EPHA4: variants seen among roughly 807,000 people sequenced by gnomAD.
The protein encoded by EPHA4 is EPH receptor A4.
In EPHA4, 19 loss-of-function variants were observed where a neutral mutation model predicts 108.3. The observed-to-expected ratio is 0.18, with a 90% CI of 0.12 to 0.26. The LOEUF (loss-of-function observed/expected upper bound fraction) is 0.26. Ranked by LOEUF, EPHA4 falls within the 10% of genes least tolerant of loss-of-function variation. The pLI is 1.00. For missense variants in EPHA4, 917 were observed against 1,254.0 expected (o/e 0.73, Z 4.06); for synonymous variants, 449 against 455.5 (o/e 0.99, Z 0.18).
Position 221,502,367 on chromosome 2 carries a change from A to G in EPHA4, c.824-1195T>C, listed in dbSNP as rs143132533. Among the ~76,000 whole-genome samples the G allele has an allele frequency of 1.5e-3, 225 of 152,232 alleles. 4 individuals are homozygous for G. The highest frequency in any genetic ancestry group is 0.01 in the East Asian group (54 of 5,170). ...AAAGAAAATGTGCCAGTAACCCACAATCTTTCCAGCATGATTCACTCTCGT... is the reference window on the plus strand; with the variant it reads ...AAAGAAAATGTGCCAGTAACCCACAGTCTTTCCAGCATGATTCACTCTCGT... On this transcript the variant is annotated intron_variant, in intron 3 of 17. Transcript: ENST00000281821.
At chr2:221,512,674 A>G (rs781613241) in intron 3 of EPHA4, among the ~76,000 whole-genome samples, 1 of 152,228 alleles carries the variant, frequency 6.6e-6, no homozygotes, top group Non-Finnish European at 1.5e-5. Flanking sequence ...TCTGAATTTA[A>G]TACACGGGTC....
At chr2:221,547,181 TG>T (rs1161305909) in intron 3 of EPHA4, among the ~76,000 whole-genome samples, 1 of 152,234 alleles carries the variant, frequency 6.6e-6, no homozygotes, top group African/African-American at 2.4e-5. Flanking sequence ...CCAAATAGGT[TG>T]GTTCATTGCC....
intron 14 of EPHA4, 52 bp from the exon 15 acceptor site, chr2:221,430,203 A>C: frequency 6.5e-7 from 1 of 1,531,422 alleles, no homozygotes; most frequent in Non-Finnish European, 8.8e-7. Flanking sequence ...GCTGCTGTTC[A>C]AGGTTCACCC....
At chr2:221,468,452 T>C (rs1403605856) in intron 5 of EPHA4, among the ~76,000 whole-genome samples, 1 of 152,190 alleles carries the variant, frequency 6.6e-6, no homozygotes, top group East Asian at 1.9e-4. Flanking sequence ...ATTCCAAATC[T>C]GGAAAATAAA....
intron 4 of EPHA4, among the ~76,000 whole-genome samples, chr2:221,500,758 T>C (rs1463203239): frequency 6.6e-6 from 1 of 152,128 alleles, no homozygotes; most frequent in African/African-American, 2.4e-5. Flanking sequence ...CTAATTACAC[T>C]GTCAGACAAC....
chr2:221,532,297 A>G (rs1469198997), intron 3 of EPHA4, among the ~76,000 whole-genome samples: 1 of 151,872 alleles, frequency 6.6e-6, no homozygotes, highest in Non-Finnish European at 1.5e-5. Context: ...TAATTTTTGT[A>G]TTTTTAGTAG....
At chr2:221,497,979 T>G (rs1047775468) in intron 4 of EPHA4, among the ~76,000 whole-genome samples, 1 of 152,192 alleles carries the variant, frequency 6.6e-6, no homozygotes, top group African/African-American at 2.4e-5. Flanking sequence ...TCTTCCCCTT[T>G]GCATCCTTAA....
chr2:221,442,907 C>A lies in EPHA4; in HGVS notation c.1996G>T (p.Asp666Tyr). The A allele has an allele frequency of 6.2e-7, 1 of 1,614,180 alleles. No homozygotes were observed. The highest frequency in any genetic ancestry group is 8.5e-7 in the Non-Finnish European group (1 of 1,180,034). ...ATGATGCTGGCCTCACTCAGGAAGT[C>A]TCTCCTCTGTTTGTCTGTATAACCA... ...KAGYTDKQRR[D>Y]FLSEASIMGQ... The change falls in exon 11 of 18, where the codon GAC becomes TAC. Residue 666 changes from aspartate to tyrosine, a missense_variant. Around this residue, in one of 3 missense-constraint regions of EPHA4, gnomAD observed 758 missense variants for 1,076.7 expected, o/e 0.70. Transcript: ENST00000281821.
At chr2:221,488,973 T>A (rs1413678573) in intron 4 of EPHA4, among the ~76,000 whole-genome samples, 1 of 152,234 alleles carries the variant, frequency 6.6e-6, no homozygotes, top group Admixed American at 6.5e-5. Flanking sequence ...TGTCAAGATT[T>A]AAAGTAGCCC....
In EPHA4 at chr2:221,561,128, G is replaced by T. The variant is rs181412299; in HGVS notation, c.823+2603C>A. Among the ~76,000 whole-genome samples the T allele has an allele frequency of 6.9e-3, 1,052 of 152,200 alleles. 9 individuals carry two copies. Among genetic ancestry groups the T allele is most frequent in the Non-Finnish European group, 0.011 (772 of 68,018 alleles). On this transcript the variant is annotated intron_variant, in intron 3 of 17. Transcript: ENST00000281821. ...GTGGTGGCGGGCGCCTGTAGTCCCA[G>T]CTACTTGGGAGGCTGAGGCAGGAGA...
At chr2:221,480,636 G>A (rs1691791396) in intron 5 of EPHA4, among the ~76,000 whole-genome samples, 1 of 152,072 alleles carries the variant, frequency 6.6e-6, no homozygotes. Flanking sequence ...TAATGACTGC[G>A]AACAGTGTTC....
chr2:221,439,467 G>C (rs1325356409), intron 11 of EPHA4, among the ~76,000 whole-genome samples: 2 of 151,594 alleles, frequency 1.3e-5, no homozygotes, highest in South Asian at 4.2e-4. Context: ...CTGCACTCAA[G>C]CCTGGGTGAA....
rs891715277 is a variant in EPHA4, at chr2:221,539,988, C to T, written c.823+23743G>A. Among the ~76,000 whole-genome samples the T allele has an allele frequency of 2.0e-5, 3 of 152,138 alleles. No homozygotes were observed. The East Asian group carries it at 5.8e-4, about 29-fold the overall frequency. ...GCTGGAGTGCAATATACCACGATCT[C>T]CACTCACTGCAACCTTTGCCTCCTG... On this transcript the variant is annotated intron_variant, in intron 3 of 17. Transcript: ENST00000281821.
At chr2:221,563,451 A>G (rs1694525815) in intron 3 of EPHA4, among the ~76,000 whole-genome samples, 1 of 152,166 alleles carries the variant, frequency 6.6e-6, no homozygotes. Context: ...CAGCTTGTTC[A>G]TTTACATTTC....
intron 14 of EPHA4, among the ~76,000 whole-genome samples, chr2:221,431,621 T>C (rs998935872): frequency 2.6e-5 from 4 of 152,234 alleles, no homozygotes; most frequent in African/African-American, 7.2e-5. Context: ...TCACCTGGGT[T>C]TCTTTTATCT....
At chr2:221,565,565 T>C (rs148641043) in intron 2 of EPHA4, among the ~76,000 whole-genome samples, 1 of 152,294 alleles carries the variant, frequency 6.6e-6, no homozygotes, top group African/African-American at 2.4e-5. Context: ...GTGAAGTGCA[T>C]AGAATCATAA....
intron 3 of EPHA4, among the ~76,000 whole-genome samples, chr2:221,547,147 C>T (rs1304032960): frequency 6.6e-6 from 1 of 152,154 alleles, no homozygotes; most frequent in South Asian, 2.1e-4. Context: ...CCCTTTTCTT[C>T]TTATTACTTA....
At chr2:221,533,000 G>C (rs1693564466) in intron 3 of EPHA4, 1 of 152,204 alleles carries the variant, frequency 6.6e-6, no homozygotes, top group South Asian at 2.1e-4. Context: ...ACTTGCCTTG[G>C]CTCTTTGAAC....
chr2:221,567,340 C>T (rs1482370471), intron 2 of EPHA4, among the ~76,000 whole-genome samples: 1 of 152,144 alleles, frequency 6.6e-6, no homozygotes, highest in Non-Finnish European at 1.5e-5. Flanking sequence ...AATCAGTGAC[C>T]TTTCCAGGGT....
Sources: gnomAD v4.1 joint callset for allele counts (sites outside exome capture counted in the v4.1 genomes callset) on GRCh38, gnomAD v4.1.1 for gene constraint, gnomAD v4.1.1 regional missense constraint, MANE v1.5 for transcripts, NCBI Gene and HGNC (gene_info 2026-07-23, HGNC 2026-07-21) for gene names.